Variants in TTC29 observed in about 807,000 individuals in gnomAD.
TTC29 encodes tetratricopeptide repeat protein 29.
A neutral mutation model predicts 58.1 loss-of-function variants in TTC29; 49 were observed. That is an observed-to-expected ratio of 0.84 (90% CI 0.67 to 1.07). TTC29 has a LOEUF of 1.07. Among genes scored for constraint, TTC29 ranks in the 50% least tolerant of loss-of-function variants. The pLI is 0.00. For missense variants in TTC29, 582 were observed against 555.6 expected, an observed-to-expected ratio of 1.05 and a Z score of -0.48; for synonymous variants, 209 against 196.8, an observed-to-expected ratio of 1.06 and a Z score of -0.52.
intron 11 of TTC29, among the ~76,000 whole-genome samples, chr4:146,738,989 T>C (rs768752405): frequency 6.6e-6 from 1 of 152,160 alleles, no homozygotes; most frequent in South Asian, 2.1e-4. Flanking sequence ...TATAATAAAC[T>C]GGTAAATGTA....
At chr4:146,939,669 TTTCAA>T in intron 3 of TTC29, 130 bp downstream of exon 3, 2 of 769,956 alleles carry the variant, frequency 2.6e-6, no homozygotes, top group Non-Finnish European at 4.2e-6. Flanking sequence ...AAACAGCAGA[TTTCAA>T]TATTCTCAAT....
intron 4 of TTC29, among the ~76,000 whole-genome samples, chr4:146,928,028 G>A (rs1735055556): frequency 6.6e-6 from 1 of 152,156 alleles, no homozygotes; most frequent in African/African-American, 2.4e-5. Context: ...TAAGTGCACT[G>A]GAGATTACAA....
At chr4:146,801,978 CAAAAAAAAAAAAAAAAAAAA>C (rs57486017) in intron 11 of TTC29, among the ~76,000 whole-genome samples, 52 of 38,778 alleles carry the variant, frequency 1.3e-3, no homozygotes, top group Non-Finnish European at 2.7e-3. Flanking sequence ...GACTCTGTCT[CAAAAAAAAAAAAAAAAAAAA>C]AAAAAAAAAA....
chr4:146,820,145 C>G lies in TTC29; in HGVS notation c.1081G>C (p.Gly361Arg). ...LDLVRASTMLGDIYNEKGYYN... is the reference protein window; with the variant it reads ...LDLVRASTMLRDIYNEKGYYN... ...CTCACTTTTTCATTGTAGATGTCCC[C>G]AAGCATTGTACTTGCTCTCACCAAA... Residue 361 changes from glycine to arginine, a missense_variant, in exon 10 of 13, where the codon GGG becomes CGG. Transcript: ENST00000325106. 6.2e-7 allele frequency: 1 copy of G among 1,613,120 alleles called. No homozygotes were observed. Among genetic ancestry groups the G allele is most frequent in the South Asian group, 1.1e-5 (1 of 91,064 alleles).
intron 6 of TTC29, among the ~76,000 whole-genome samples, chr4:146,900,759 T>C (rs957720645): frequency 6.6e-6 from 1 of 152,102 alleles, no homozygotes; most frequent in African/African-American, 2.4e-5. Flanking sequence ...ATTCTGGAGA[T>C]TGGTTGTGCA....
Position 146,728,484 on chromosome 4 carries a change from T to TCCTTCC in TTC29, c.1331-20939_1331-20934dup, listed in dbSNP as rs572712855. Among the ~76,000 whole-genome samples the TCCTTCC allele has an allele frequency of 7.2e-4, 110 of 151,792 alleles. 2 individuals are homozygous for TCCTTCC. The highest frequency in any genetic ancestry group is 3.4e-3 in the Middle Eastern group (1 of 294). On this transcript the variant is annotated intron_variant, in intron 11 of 12. Transcript: ENST00000325106. ...CCCCCAAGATAATCATATGGTACAC[T>TCCTTCC]CCTTCCTTTACTCTCCTGAAATATC...
chr4:146,847,159 C>G (rs1027332405), intron 8 of TTC29, among the ~76,000 whole-genome samples: 1 of 152,122 alleles, frequency 6.6e-6, no homozygotes, highest in Non-Finnish European at 1.5e-5. Flanking sequence ...ACTGGAAATG[C>G]GATGCCTGCC....
chr4:146,906,020 C>A (rs1206567745), intron 5 of TTC29, among the ~76,000 whole-genome samples: 1 of 152,066 alleles, frequency 6.6e-6, no homozygotes, highest in East Asian at 1.9e-4. Flanking sequence ...ATTTAAAAGT[C>A]AAGTGTAAAT....
At chr4:146,709,946 C>T (rs1223157301) in intron 11 of TTC29, among the ~76,000 whole-genome samples, 2 of 152,086 alleles carry the variant, frequency 1.3e-5, no homozygotes, top group Non-Finnish European at 2.9e-5. Flanking sequence ...ACCTCATGCC[C>T]TCTTGTCTAG....
At chr4:146,806,894 G>C (rs1045872239) in intron 10 of TTC29, among the ~76,000 whole-genome samples, 5 of 152,098 alleles carry the variant, frequency 3.3e-5, no homozygotes, top group Non-Finnish European at 7.4e-5. Context: ...AGACCTAATA[G>C]ACATCTACAG....
intron 8 of TTC29, among the ~76,000 whole-genome samples, chr4:146,847,365 C>T (rs964811506): frequency 1.3e-5 from 2 of 152,096 alleles, no homozygotes; most frequent in Non-Finnish European, 2.9e-5. Context: ...TTATCTAATC[C>T]CAGCCAGGAG....
chr4:146,915,613 T>C (rs1417434032), intron 4 of TTC29, among the ~76,000 whole-genome samples: 4 of 152,092 alleles, frequency 2.6e-5, no homozygotes, highest in Non-Finnish European at 4.4e-5. Context: ...ATGCAATGAA[T>C]AGAAATTACA....
chr4:146,934,461 G>A (rs1735610183), intron 4 of TTC29: 1 of 152,192 alleles, frequency 6.6e-6, no homozygotes, highest in South Asian at 2.1e-4. Flanking sequence ...TTAACCTTGG[G>A]ATGTCTGTGA....
chr4:146,733,210 A>G (rs1480060334), intron 11 of TTC29, among the ~76,000 whole-genome samples: 2 of 152,166 alleles, frequency 1.3e-5, no homozygotes, highest in South Asian at 2.1e-4. Context: ...GACTATAGAT[A>G]TCTTGAAATT....
intron 8 of TTC29, among the ~76,000 whole-genome samples, chr4:146,855,551 T>G (rs1729790296): frequency 6.6e-6 from 1 of 152,204 alleles, no homozygotes; most frequent in South Asian, 2.1e-4. Context: ...AGGGAGAAAG[T>G]TGAAATTACT....
At chr4:146,767,534 A>T (rs917119389) in intron 11 of TTC29, among the ~76,000 whole-genome samples, 1 of 152,056 alleles carries the variant, frequency 6.6e-6, no homozygotes, top group African/African-American at 2.4e-5. Flanking sequence ...CTTCTAAATG[A>T]TAATAACTTA....
chr4:146,783,958 A>G (rs1331496579), intron 11 of TTC29, among the ~76,000 whole-genome samples: 1 of 151,972 alleles, frequency 6.6e-6, no homozygotes. Context: ...TGGAAACCTA[A>G]GACTCATTTC....
At chr4:146,822,734 G>C (rs1448377816) in intron 9 of TTC29, among the ~76,000 whole-genome samples, 1 of 152,182 alleles carries the variant, frequency 6.6e-6, no homozygotes, top group Non-Finnish European at 1.5e-5. Flanking sequence ...GTGTATAAGT[G>C]TTCCTATTTC....
chr4:146,769,246 T>G (rs144251974), intron 11 of TTC29, among the ~76,000 whole-genome samples: 1 of 152,000 alleles, frequency 6.6e-6, no homozygotes, highest in African/African-American at 2.4e-5. Context: ...GTCAATCTTT[T>G]GCTGTAGTGA....
Sources: allele counts gnomAD v4.1 joint callset (sites outside exome capture counted in the v4.1 genomes callset), GRCh38; gene constraint gnomAD v4.1.1; transcripts MANE v1.5; gene names NCBI Gene and HGNC (gene_info 2026-07-23, HGNC 2026-07-21).